Variants in ACTR10 observed in about 807,000 individuals in gnomAD.
ACTR10 encodes actin-related protein 10.
ACTR10 carries 43 observed loss-of-function variants against 56.2 expected under a neutral mutation model. The ratio of observed to expected loss-of-function variants is 0.77; its 90% CI spans 0.60 to 0.99. The LOEUF is 0.99. Ranked by LOEUF, ACTR10 falls within the 50% of genes least tolerant of loss-of-function variation. The probability of loss-of-function intolerance (pLI) is 0.00; values close to 1 mark genes in which losing one functional copy is unlikely to be tolerated. For missense variants in ACTR10, 466 were observed against 507.8 expected (o/e 0.92, Z 0.79); for synonymous variants, 170 against 176.3 (o/e 0.96, Z 0.28).
At position 58,215,278 on chromosome 14, in the gene ACTR10, G is replaced by A. The variant is rs1430607213; in HGVS notation, c.592G>A (p.Val198Met). The A allele has an allele frequency of 1.9e-6, 3 of 1,605,398 alleles. No homozygotes were observed. Among genetic ancestry groups the A allele is most frequent in the Non-Finnish European group, 2.6e-6 (3 of 1,173,734 alleles). The change falls in exon 7 of 13, where the codon GTG (valine) becomes ATG (methionine). Residue 198 changes from valine to methionine, a missense_variant. Val to Met is a conservative substitution (Grantham distance 21). Transcript: ENST00000254286. ...SVAKEQSLPS[V>M]MGSVPEGVLE... The stretch of plus-strand genomic sequence containing the variant: ...TGCTAAAGAACAGAGCCTTCCCTCA[G>A]TGATGGGTAAATTCATTTTAAGTGG...
In ACTR10 at chr14:58,232,404, CTTTTTTTT is replaced by C. The variant is rs5808963; in HGVS notation, c.1072+157_1072+164del. 5.0e-4 allele frequency: 68 copies of C among 135,734 alleles called. 1 individual carries two copies. Among genetic ancestry groups the C allele is most frequent in the South Asian group, 4.2e-3 (49 of 11,726 alleles). 8.4% of individuals were successfully genotyped at this position (135,734 alleles called of 1,614,324 possible). On this transcript the variant is annotated intron_variant, in intron 12 of 12. Transcript: ENST00000254286. ...TAAATAGAACTAACACTGACTTTTT[CTTTTTTTT>C]TTTTTTTTTTTTTTTTTTTGAGACG... is the stretch of plus-strand genomic sequence containing the variant.
At chr14:58,211,101 T>C (rs535200608) in intron 4 of ACTR10, 191 bp from the exon 5 acceptor site, 1 of 478,902 alleles carries the variant, frequency 2.1e-6, no homozygotes, top group African/African-American at 2.0e-5. Context: ...TGTATTTTGG[T>C]TATTGAGTGA....
intron 1 of ACTR10, among the ~76,000 whole-genome samples, chr14:58,202,417 T>TA (rs1171913562): frequency 0.11 from 14,755 of 132,620 alleles, 1,132 homozygotes; most frequent in African/African-American, 0.23. Context: ...TCGTCTCTAC[T>TA]AAAAAAAAAA....
chr14:58,229,122 C>A (rs1889470199), intron 10 of ACTR10, among the ~76,000 whole-genome samples: 1 of 151,826 alleles, frequency 6.6e-6, no homozygotes, highest in African/African-American at 2.4e-5. Context: ...TCTACAGTCA[C>A]TACAACAATG....
chr14:58,232,079 C>G lies in ACTR10; in HGVS notation c.884C>G (p.Thr295Ser). The G allele has an allele frequency of 6.2e-7, 1 of 1,612,810 alleles. No homozygotes were observed. Among genetic ancestry groups the G allele is most frequent in the Non-Finnish European group, 8.5e-7 (1 of 1,179,166 alleles). Reference sequence around the variant, plus strand: ...TTTTAATAACAGTGTCCGATAGACACCAGGAAGCAACTAGCAGAGAATTTG... The same window carrying G: ...TTTTAATAACAGTGTCCGATAGACAGCAGGAAGCAACTAGCAGAGAATTTG... ...LDSLIQCPID[T>S]RKQLAENLVV... The change falls in exon 12 of 13, where the codon ACC becomes AGC. Residue 295 changes from threonine (T) to serine (S), a missense_variant. Coordinates refer to ENST00000254286, the MANE Select transcript of ACTR10 (RefSeq NM_018477.3).
At chr14:58,204,129 C>T (rs113643498) in intron 2 of ACTR10, among the ~76,000 whole-genome samples, 112 of 151,680 alleles carry the variant, frequency 7.4e-4, no homozygotes, top group African/African-American at 2.5e-3. Flanking sequence ...CGCCTGTAAT[C>T]GCAGCACTTT....
Position 58,202,923 on chromosome 14 carries a change from C to A in ACTR10, c.146C>A (p.Pro49His). ...IPSVIKRAGM[P>H]KPVRVVQYNI... is the part of the protein sequence containing the mutation. Reference sequence around the variant, plus strand: ...AGTGTGATAAAAAGAGCTGGGATGCCTAAGGTATTTAAAAAAAAATATTAG... The same window carrying A: ...AGTGTGATAAAAAGAGCTGGGATGCATAAGGTATTTAAAAAAAAATATTAG... Residue 49 changes from proline (P) to histidine (H), a missense_variant, in exon 2 of 13, where the codon CCT (proline) becomes CAT (histidine). Physicochemically the swap from Pro to His is moderately conservative, Grantham distance 77. Coordinates refer to ENST00000254286, the MANE Select transcript of ACTR10 (RefSeq NM_018477.3). 1 of 1,562,884 alleles carries A rather than the reference C, an allele frequency of 6.4e-7. No individual in the cohort carries two copies.
At chr14:58,213,749 G>GATTAGCAACTGTTT in intron 6 of ACTR10, 51 bp downstream of exon 6, 5 of 1,430,962 alleles carry the variant, frequency 3.5e-6, no homozygotes, top group Non-Finnish European at 3.9e-6. Context: ...CACAAAAACA[G>GATTAGCAACTGTTT]TTGCTAATCT....
Position 58,234,395 on chromosome 14 carries a change from T to C in ACTR10, c.1098T>C (p.Asp366=). The change falls in exon 13 of 13, where the codon GAT becomes GAC. Residue 366 remains aspartate, a synonymous_variant. Transcript: ENST00000254286. ...LGGAIFGALQ[D]ILGSRSVSKE... is the part of the protein sequence containing the mutation. Reference sequence around the variant, plus strand: ...GGGCTATTTTTGGAGCATTACAAGATATACTTGGGAGCCGTTCTGTTTCAA... The same window carrying C: ...GGGCTATTTTTGGAGCATTACAAGACATACTTGGGAGCCGTTCTGTTTCAA... 1.2e-6 allele frequency: 2 copies of C among 1,602,420 alleles called. No homozygotes were observed. Among genetic ancestry groups the C allele is most frequent in the Non-Finnish European group, 1.7e-6 (2 of 1,173,436 alleles).
At chr14:58,207,679 T>A (rs1888899409) in intron 2 of ACTR10, among the ~76,000 whole-genome samples, 2 of 152,178 alleles carry the variant, frequency 1.3e-5, no homozygotes, top group Non-Finnish European at 2.9e-5. Flanking sequence ...GGAGGAAAAA[T>A]GCATGTGAGC....
intron 6 of ACTR10, among the ~76,000 whole-genome samples, chr14:58,214,045 T>A (rs1889067503): frequency 6.6e-6 from 1 of 152,212 alleles, no homozygotes; most frequent in African/African-American, 2.4e-5. Flanking sequence ...TTACATGATT[T>A]TAAAATGTAC....
intron 12 of ACTR10, among the ~76,000 whole-genome samples, chr14:58,233,549 T>G (rs1006359427): frequency 1.3e-5 from 2 of 152,236 alleles, no homozygotes; most frequent in African/African-American, 2.4e-5. Context: ...TAATCGACTA[T>G]TCATGTTATT....
chr14:58,200,403 C>A, intron 1 of ACTR10, 109 bp downstream of exon 1: 1 of 839,958 alleles, frequency 1.2e-6, no homozygotes. Flanking sequence ...CTCCGGGCCT[C>A]CCCTTTTCTT....
chr14:58,201,818 CA>C (rs1433758812), intron 1 of ACTR10, among the ~76,000 whole-genome samples: 1 of 150,872 alleles, frequency 6.6e-6, no homozygotes, highest in Non-Finnish European at 1.5e-5. Context: ...CCAGCCTGGG[CA>C]ACATGGGGAA....
rs763550536 is a variant in ACTR10, at chr14:58,234,331, G to A, written c.1073-39G>A. On this transcript the variant is annotated intron_variant, in intron 12 of 12. Coordinates refer to ENST00000254286, the MANE Select transcript of ACTR10 (RefSeq NM_018477.3). ...GTGTACATAAAGTTTTCTGGTAAAA[G>A]TTTTCATCTTAGCTATAAAAAATAT... is the stretch of plus-strand genomic sequence containing the variant. 3 of 1,508,668 alleles carry A rather than the reference G, an allele frequency of 2.0e-6. No homozygotes were observed. In the South Asian group the frequency reaches 4.1e-5, roughly 21 times the overall value. 93.5% of individuals were successfully genotyped at this position (1,508,668 alleles called of 1,614,324 possible).
intron 7 of ACTR10, among the ~76,000 whole-genome samples, chr14:58,218,848 G>A (rs940210084): frequency 3.3e-5 from 5 of 151,718 alleles, no homozygotes; most frequent in South Asian, 2.1e-4. Context: ...TTTTTGAGAC[G>A]GAGTTTCACT....
intron 2 of ACTR10, among the ~76,000 whole-genome samples, chr14:58,204,801 C>G (rs891057438): frequency 2.0e-5 from 3 of 152,146 alleles, no homozygotes; most frequent in Admixed American, 6.6e-5. Flanking sequence ...TGATGACTTT[C>G]TTTTTCTTGA....
chr14:58,234,115 A>G (rs1255902059), intron 12 of ACTR10, among the ~76,000 whole-genome samples: 1 of 152,242 alleles, frequency 6.6e-6, no homozygotes, highest in Admixed American at 6.5e-5. Flanking sequence ...TTTAAATGCA[A>G]TAATACTTGT....
chr14:58,221,713 C>T (rs538844227), intron 8 of ACTR10, among the ~76,000 whole-genome samples: 3 of 152,106 alleles, frequency 2.0e-5, no homozygotes, highest in South Asian at 2.1e-4. Flanking sequence ...TGGACTCCAG[C>T]GTGGATGACA....
Sources: gnomAD v4.1 joint callset for allele counts (sites outside exome capture counted in the v4.1 genomes callset) on GRCh38, gnomAD v4.1.1 for gene constraint, MANE v1.5 for transcripts, NCBI Gene and HGNC (gene_info 2026-07-23, HGNC 2026-07-21) for gene names.